The following CAMTA1 variants were observed in gnomAD, a reference collection of about 807,000 sequenced individuals.
CAMTA1 encodes calmodulin-binding transcription activator 1.
A neutral mutation model predicts 170.9 loss-of-function variants in CAMTA1; 27 were observed. That is an observed-to-expected ratio of 0.16 (90% CI 0.12 to 0.22). The LOEUF is 0.22. Ranked by LOEUF, CAMTA1 falls within the 10% of genes least tolerant of loss-of-function variation. The probability of loss-of-function intolerance (pLI) is 1.00; values close to 1 mark genes in which losing one functional copy is unlikely to be tolerated. For synonymous variants in CAMTA1, 833 were observed against 891.5 expected (o/e 0.93, Z 1.17); for missense variants, 1,619 against 2,217.2 (o/e 0.73, Z 5.42).
intron 3 of CAMTA1, among the ~76,000 whole-genome samples, chr1:7,089,071 G>A (rs1395905886): frequency 1.3e-5 from 2 of 152,172 alleles, no homozygotes; most frequent in African/African-American, 4.8e-5. Flanking sequence ...GACCATTTTG[G>A]TACCTGTGAA....
chr1:7,558,854 A>C (rs1380953248), intron 6 of CAMTA1, among the ~76,000 whole-genome samples: 1 of 152,264 alleles, frequency 6.6e-6, no homozygotes, highest in Non-Finnish European at 1.5e-5. Flanking sequence ...AGCGTTATTT[A>C]GTTCTGATAT....
rs373905640 is a variant in CAMTA1 at position 7,530,849 on chromosome 1, C to T, written c.510+62948C>T. On this transcript the variant is annotated intron_variant, in intron 6 of 22. Transcript: ENST00000303635. ...TTTTTTTTTGAGACTGAGTCTTGCT[C>T]TTGTCGCCCAGGCTAGAGTGCAATG... is the stretch of plus-strand genomic sequence containing the variant. Among the ~76,000 whole-genome samples, 3 of 120,888 alleles carry T rather than the reference C, an allele frequency of 2.5e-5. No individual in the cohort carries two copies. The East Asian group carries it at 7.6e-4, about 30-fold the overall frequency. 79.3% of individuals were successfully genotyped at this position (120,888 alleles called of 152,430 possible).
chr1:7,075,728 T>C (rs1288153073), intron 3 of CAMTA1, among the ~76,000 whole-genome samples: 4 of 151,304 alleles, frequency 2.6e-5, no homozygotes, highest in Non-Finnish European at 4.4e-5. Flanking sequence ...AGTGGCACTC[T>C]CTCTGCTTAC....
At chr1:7,143,188 T>A (rs1645986914) in intron 4 of CAMTA1, among the ~76,000 whole-genome samples, 1 of 151,976 alleles carries the variant, frequency 6.6e-6, no homozygotes, top group Non-Finnish European at 1.5e-5. Flanking sequence ...CAAGGCGGGG[T>A]GGGCCGAGAC....
intron 5 of CAMTA1, among the ~76,000 whole-genome samples, chr1:7,303,137 G>C (rs1675039352): frequency 6.6e-6 from 1 of 152,120 alleles, no homozygotes; most frequent in Non-Finnish European, 1.5e-5. Context: ...CATACATTAA[G>C]CACTCACTAA....
intron 4 of CAMTA1, among the ~76,000 whole-genome samples, chr1:7,132,548 A>G (rs1046815361): frequency 1.3e-5 from 2 of 152,158 alleles, no homozygotes; most frequent in African/African-American, 4.8e-5. Flanking sequence ...AAATAGAACA[A>G]AGAGGTTCTC....
chr1:7,476,953 A>G (rs1280155111), intron 6 of CAMTA1, among the ~76,000 whole-genome samples: 1 of 152,184 alleles, frequency 6.6e-6, no homozygotes, highest in Admixed American at 6.5e-5. Context: ...AGCCCCCGCC[A>G]TGCAGAGGGA....
Position 7,766,525 on chromosome 1 carries a change from T to C in CAMTA1, c.*34T>C. On this transcript the variant is annotated 3_prime_UTR_variant, in exon 23 of 23. Transcript: ENST00000303635. ...AGCAGCATCCCTTAGCAATGTGACA[T>C]TGCTTTTCAGACTGTTTTCATTTCT... The C allele has an allele frequency of 1.9e-6, 3 of 1,607,178 alleles. No individual in the cohort carries two copies.
At chr1:7,518,265 C>A (rs2094313424) in intron 6 of CAMTA1, among the ~76,000 whole-genome samples, 1 of 151,958 alleles carries the variant, frequency 6.6e-6, no homozygotes, top group African/African-American at 2.4e-5. Context: ...CTTCTAGAAG[C>A]CCCTCCCGGA....
At chr1:7,439,118 G>A (rs982541616) in intron 5 of CAMTA1, among the ~76,000 whole-genome samples, 1 of 152,172 alleles carries the variant, frequency 6.6e-6, no homozygotes, top group Non-Finnish European at 1.5e-5. Context: ...TCCTCCCAGG[G>A]CCGAGGGCCC....
rs1413234315 is a variant in CAMTA1 at position 7,607,734 on chromosome 1, G to A, written c.511-32666G>A. 2.0e-5 allele frequency among the ~76,000 whole-genome samples: 3 copies of A among 152,186 alleles called. No individual in the cohort carries two copies. In the East Asian group the frequency reaches 5.8e-4, roughly 29 times the overall value. On this transcript the variant is annotated intron_variant, in intron 6 of 22. Coordinates refer to ENST00000303635, the MANE Select transcript of CAMTA1 (RefSeq NM_015215.4). ...GAATGAATGTGTGAATGGAAAAGTG[G>A]CATGAATCTTTCCTCAAATCTTTGA...
At chr1:7,229,874 C>T (rs1662406483) in intron 4 of CAMTA1, among the ~76,000 whole-genome samples, 3 of 152,266 alleles carry the variant, frequency 2.0e-5, no homozygotes, top group Non-Finnish European at 4.4e-5. Context: ...TCCCCCGGCT[C>T]CCCGATGACC....
intron 6 of CAMTA1, among the ~76,000 whole-genome samples, chr1:7,483,855 G>C (rs967330843): frequency 6.6e-6 from 1 of 152,080 alleles, no homozygotes; most frequent in Non-Finnish European, 1.5e-5. Flanking sequence ...TCCTGGAGTC[G>C]GCCAGCCCCT....
intron 5 of CAMTA1, among the ~76,000 whole-genome samples, chr1:7,450,473 G>T (rs1051089822): frequency 6.6e-6 from 1 of 152,238 alleles, no homozygotes; most frequent in African/African-American, 2.4e-5. Context: ...GAGGGGAGGG[G>T]ATGGAAGGGG....
Position 7,580,391 on chromosome 1 carries a change from A to G in CAMTA1, c.511-60009A>G, listed in dbSNP as rs2095249627. ...ACCCAGGGAGGAAGGGGCTCAGATG[A>G]AGCAGGTCTGGGGGAGAGGAAGGAA... On this transcript the variant is annotated intron_variant, in intron 6 of 22. Coordinates refer to ENST00000303635, the MANE Select transcript of CAMTA1 (RefSeq NM_015215.4). The surrounding 1 kb of genome is among the most constrained non-coding windows in gnomAD (Gnocchi z 4.3). Among the ~76,000 whole-genome samples, 1 of 151,912 alleles carries G rather than the reference A, an allele frequency of 6.6e-6. No individual in the cohort carries two copies. Among genetic ancestry groups the G allele is most frequent in the South Asian group, 2.1e-4 (1 of 4,808 alleles).
At chr1:6,929,256 T>C (rs1216909581) in intron 3 of CAMTA1, among the ~76,000 whole-genome samples, 1 of 152,230 alleles carries the variant, frequency 6.6e-6, no homozygotes, top group Non-Finnish European at 1.5e-5. Flanking sequence ...CTCGGCTCAC[T>C]GCAACCTCCG....
At chr1:7,413,370 G>C (rs1375950705) in intron 5 of CAMTA1, among the ~76,000 whole-genome samples, 1 of 152,092 alleles carries the variant, frequency 6.6e-6, no homozygotes, top group Admixed American at 6.5e-5. Context: ...TCACGATATT[G>C]ATTCTTCCAA....
rs933158263 is a variant in CAMTA1 at position 7,299,540 on chromosome 1, C to T, written c.438+49914C>T. Among the ~76,000 whole-genome samples the T allele has an allele frequency of 1.3e-5, 2 of 152,240 alleles. No homozygotes were observed. The highest frequency in any genetic ancestry group is 4.8e-5 in the African/African-American group (2 of 41,458). ...CTCAGACTCGGAGAGCTTCCAACCT[C>T]GCAATGAGCCAGCGGCTCCCCGGAG... is the stretch of plus-strand genomic sequence containing the variant. On this transcript the variant is annotated intron_variant, in intron 5 of 22. Coordinates refer to ENST00000303635, the MANE Select transcript of CAMTA1 (RefSeq NM_015215.4). The surrounding 1 kb of genome is among the most constrained non-coding windows in gnomAD (Gnocchi z 4.7).
intron 7 of CAMTA1, among the ~76,000 whole-genome samples, chr1:7,646,943 G>A (rs931980834): frequency 1.3e-5 from 2 of 152,184 alleles, no homozygotes; most frequent in Non-Finnish European, 2.9e-5. Context: ...TGTCAGTCCT[G>A]CCAGCCTTCA....
Sources: allele counts gnomAD v4.1 joint callset (sites outside exome capture counted in the v4.1 genomes callset), GRCh38; gene constraint gnomAD v4.1.1; non-coding constraint Gnocchi (gnomAD v3.1); transcripts MANE v1.5; gene names NCBI Gene and HGNC (gene_info 2026-07-23, HGNC 2026-07-21).